Variants in MYO1D observed in about 807,000 individuals in gnomAD.
MYO1D encodes myosin ID, also known as unconventional myosin-Id.
Under a neutral mutation model 122.0 loss-of-function variants are expected in MYO1D, and 83 were observed. That is an observed-to-expected ratio of 0.68 (90% CI 0.57 to 0.82). MYO1D has a LOEUF of 0.82. Ranked by LOEUF, MYO1D falls within the 40% of genes least tolerant of loss-of-function variation. The probability of loss-of-function intolerance (pLI) is 0.00; values close to 1 mark genes in which losing one functional copy is unlikely to be tolerated. For missense variants in MYO1D, 1,157 were observed against 1,269.5 expected, an observed-to-expected ratio of 0.91 and a Z score of 1.35; for synonymous variants, 464 against 446.9, an observed-to-expected ratio of 1.04 and a Z score of -0.48.
intron 16 of MYO1D, among the ~76,000 whole-genome samples, chr17:32,666,609 G>A (rs2543977): frequency 0.67 from 102,008 of 152,106 alleles, 34,518 homozygotes; most frequent in Middle Eastern, 0.78. Context: ...ATTCTAGGTT[G>A]CACTCTATTA....
intron 21 of MYO1D, among the ~76,000 whole-genome samples, chr17:32,546,432 C>T (rs533631025): frequency 6.6e-6 from 1 of 152,346 alleles, no homozygotes; most frequent in South Asian, 2.1e-4. Flanking sequence ...GCCATCACGA[C>T]TGTGAGCAAG....
intron 21 of MYO1D, among the ~76,000 whole-genome samples, chr17:32,584,339 T>C (rs1468278527): frequency 2.0e-5 from 3 of 152,190 alleles, no homozygotes; most frequent in African/African-American, 7.2e-5. Context: ...CTAAAATGTC[T>C]GATATGTGAC....
Position 32,720,995 on chromosome 17 carries a change from T to C in MYO1D, c.1913+28A>G, listed in dbSNP as rs773678595. On this transcript the variant is annotated intron_variant, in intron 15 of 21. Coordinates refer to ENST00000318217, the MANE Select transcript of MYO1D (RefSeq NM_015194.3). ...GAGGACTCCCTTATTCTCAGTGAACTAGGCCTCTCTGACGAGTCTATTCTC... is the reference window on the plus strand; with the variant it reads ...GAGGACTCCCTTATTCTCAGTGAACCAGGCCTCTCTGACGAGTCTATTCTC... The C allele has an allele frequency of 3.1e-6, 5 of 1,602,956 alleles. No individual in the cohort carries two copies. The South Asian group carries it at 5.6e-5, about 18-fold the overall frequency.
intron 21 of MYO1D, among the ~76,000 whole-genome samples, chr17:32,586,802 T>C (rs2087389981): frequency 6.6e-6 from 1 of 152,170 alleles, no homozygotes; most frequent in African/African-American, 2.4e-5. Flanking sequence ...TTTTCCACTC[T>C]CCATGACTGC....
At chr17:32,644,656 T>C (rs2088259383) in intron 19 of MYO1D, among the ~76,000 whole-genome samples, 1 of 152,222 alleles carries the variant, frequency 6.6e-6, no homozygotes. Flanking sequence ...TTGATCCCTT[T>C]ACCATTATGT....
chr17:32,831,865 C>A (rs2090773853), intron 1 of MYO1D, among the ~76,000 whole-genome samples: 1 of 152,116 alleles, frequency 6.6e-6, no homozygotes, highest in Non-Finnish European at 1.5e-5. Flanking sequence ...GATCAGGTAA[C>A]CAGGGATGCT....
chr17:32,697,292 C>T (rs1162706695), intron 16 of MYO1D, among the ~76,000 whole-genome samples: 1 of 152,200 alleles, frequency 6.6e-6, no homozygotes, highest in Non-Finnish European at 1.5e-5. Context: ...TCCTGCATAG[C>T]CACATGTCAC....
intron 21 of MYO1D, among the ~76,000 whole-genome samples, chr17:32,552,452 C>CCATCCATT (rs1555625163): frequency 0.011 from 1,517 of 132,676 alleles, 30 homozygotes; most frequent in African/African-American, 0.04. Flanking sequence ...ATCCATCCAT[C>CCATCCATT]CATCCATCCA....
chr17:32,788,374 A>G (rs548882531), intron 1 of MYO1D, among the ~76,000 whole-genome samples: 1 of 152,302 alleles, frequency 6.6e-6, no homozygotes, highest in African/African-American at 2.4e-5. Flanking sequence ...GCCAATGTCT[A>G]GAAGAGTTTT....
intron 16 of MYO1D, among the ~76,000 whole-genome samples, chr17:32,678,589 C>A (rs1340027430): frequency 3.3e-5 from 5 of 151,352 alleles, no homozygotes; most frequent in Admixed American, 2.6e-4. Context: ...GGCATGAACT[C>A]ATCATTTTTT....
At chr17:32,561,704 A>G (rs1415538922) in intron 21 of MYO1D, among the ~76,000 whole-genome samples, 2 of 82,996 alleles carry the variant, frequency 2.4e-5, no homozygotes, top group Admixed American at 2.6e-4. Flanking sequence ...AAAAAAAAAA[A>G]AAAGAAAACT....
At chr17:32,688,644 T>C (rs2089053648) in intron 16 of MYO1D, among the ~76,000 whole-genome samples, 1 of 152,150 alleles carries the variant, frequency 6.6e-6, no homozygotes, top group Admixed American at 6.5e-5. Context: ...AAACAAACAA[T>C]GTCGTGCTAT....
intron 16 of MYO1D, among the ~76,000 whole-genome samples, chr17:32,705,000 T>A (rs1461455288): frequency 6.6e-6 from 1 of 152,082 alleles, no homozygotes; most frequent in Admixed American, 6.5e-5. Flanking sequence ...AATAAAACAG[T>A]TTTTGCAATC....
At chr17:32,871,277 G>T (rs993531917) in intron 1 of MYO1D, among the ~76,000 whole-genome samples, 7 of 152,152 alleles carry the variant, frequency 4.6e-5, no homozygotes, top group Admixed American at 4.6e-4. Context: ...AAGAGGAGTG[G>T]AGTTGTTGAC....
chr17:32,848,462 T>A (rs557568896), intron 1 of MYO1D, among the ~76,000 whole-genome samples: 7 of 152,342 alleles, frequency 4.6e-5, no homozygotes, highest in Non-Finnish European at 2.9e-5. Flanking sequence ...AAATTTTAAA[T>A]CATGTCAAAG....
intron 16 of MYO1D, among the ~76,000 whole-genome samples, chr17:32,688,883 A>C (rs1484785205): frequency 2.0e-5 from 3 of 151,682 alleles, no homozygotes; most frequent in African/African-American, 7.3e-5. Flanking sequence ...AAATGGTAAT[A>C]CTCATTTACA....
At chr17:32,683,216 A>C (rs916461602) in intron 16 of MYO1D, among the ~76,000 whole-genome samples, 6 of 151,044 alleles carry the variant, frequency 4.0e-5, no homozygotes, top group African/African-American at 1.5e-4. Flanking sequence ...AGCTTAGAGT[A>C]ATTTGATCGT....
At chr17:32,582,152 C>A (rs1194930161) in intron 21 of MYO1D, among the ~76,000 whole-genome samples, 2 of 152,056 alleles carry the variant, frequency 1.3e-5, no homozygotes, top group African/African-American at 4.8e-5. Context: ...TGGACTCAAG[C>A]AATCCACCTG....
intron 1 of MYO1D, among the ~76,000 whole-genome samples, chr17:32,820,711 G>C (rs2090653861): frequency 6.6e-6 from 1 of 152,116 alleles, no homozygotes; most frequent in Admixed American, 6.5e-5. Context: ...TTCAGTTATA[G>C]AAAAATATTC....
Sources: gnomAD v4.1 joint callset for allele counts (sites outside exome capture counted in the v4.1 genomes callset) on GRCh38, gnomAD v4.1.1 for gene constraint, MANE v1.5 for transcripts, NCBI Gene and HGNC (gene_info 2026-07-23, HGNC 2026-07-21) for gene names.